Variants in CNTN5 observed in about 807,000 individuals in gnomAD.
CNTN5 encodes contactin 5.
A neutral mutation model predicts 129.1 loss-of-function variants in CNTN5; 77 were observed. The ratio of observed to expected loss-of-function variants is 0.60; its 90% CI spans 0.50 to 0.72. The LOEUF (loss-of-function observed/expected upper bound fraction) is 0.72, where lower values mean the gene tolerates loss of function less well. CNTN5 is among the 30% of genes least tolerant of loss of function. CNTN5 has a pLI of 0.00. For missense variants in CNTN5, 1,478 were observed against 1,328.8 expected (o/e 1.11, Z -1.75); for synonymous variants, 509 against 465.6 (o/e 1.09, Z -1.20).
chr11:99,128,976 A>G (rs1858793658), intron 1 of CNTN5, among the ~76,000 whole-genome samples: 1 of 152,214 alleles, frequency 6.6e-6, no homozygotes. Flanking sequence ...TCCAAGATTA[A>G]AGATAGATAA....
chr11:100,210,735 A>G (rs2138585281), intron 15 of CNTN5, among the ~76,000 whole-genome samples: 1 of 152,308 alleles, frequency 6.6e-6, no homozygotes, highest in South Asian at 2.1e-4. Flanking sequence ...TAGTAATACC[A>G]AAAAATAATG....
At chr11:100,050,576 GTAAC>G (rs1275362732) in intron 9 of CNTN5, among the ~76,000 whole-genome samples, 1 of 151,700 alleles carries the variant, frequency 6.6e-6, no homozygotes, top group Non-Finnish European at 1.5e-5. Context: ...GTGTACATAT[GTAAC>G]TAACCTGCAC....
chr11:99,323,300 T>C (rs746420382), intron 1 of CNTN5, among the ~76,000 whole-genome samples: 1 of 152,106 alleles, frequency 6.6e-6, no homozygotes, highest in Non-Finnish European at 1.5e-5. Flanking sequence ...AGTAGTCTCG[T>C]CATCACAACA....
intron 3 of CNTN5, among the ~76,000 whole-genome samples, chr11:99,779,824 G>A (rs1945250897): frequency 6.6e-6 from 1 of 151,890 alleles, no homozygotes; most frequent in Non-Finnish European, 1.5e-5. Context: ...ATAATATGCA[G>A]AACTATAAGT....
intron 23 of CNTN5, among the ~76,000 whole-genome samples, chr11:100,346,266 C>T (rs1381928608): frequency 6.6e-6 from 1 of 152,082 alleles, no homozygotes; most frequent in Non-Finnish European, 1.5e-5. Context: ...GTAAGACTCA[C>T]CATTACTGGT....
At chr11:99,222,399 G>T (rs1377827847) in intron 1 of CNTN5, among the ~76,000 whole-genome samples, 5 of 151,596 alleles carry the variant, frequency 3.3e-5, no homozygotes, top group Admixed American at 1.3e-4. Flanking sequence ...TAACCCAAGA[G>T]AAAAAAATGT....
intron 1 of CNTN5, among the ~76,000 whole-genome samples, chr11:99,200,418 C>T (rs752700426): frequency 5.3e-5 from 8 of 152,138 alleles, no homozygotes; most frequent in Non-Finnish European, 1.2e-4. Context: ...ACCCAAAGTA[C>T]GATTCAGAAT....
chr11:99,945,330 A>G (rs1232418973), intron 7 of CNTN5, among the ~76,000 whole-genome samples: 1 of 152,064 alleles, frequency 6.6e-6, no homozygotes, highest in East Asian at 1.9e-4. Context: ...TGGAACAAGA[A>G]TAGAATATGG....
At chr11:99,476,864 T>G (rs188006495) in intron 2 of CNTN5, among the ~76,000 whole-genome samples, 5 of 152,242 alleles carry the variant, frequency 3.3e-5, no homozygotes, top group African/African-American at 1.2e-4. Flanking sequence ...AATGGCTAAT[T>G]ACAATCCGAA....
chr11:99,445,812 G>C (rs200081686), intron 2 of CNTN5, among the ~76,000 whole-genome samples: 14 of 151,960 alleles, frequency 9.2e-5, no homozygotes, highest in South Asian at 2.1e-4. Context: ...GGCCGGGCGC[G>C]GTGACTCACA....
intron 1 of CNTN5, among the ~76,000 whole-genome samples, chr11:99,071,565 G>T (rs1379337017): frequency 6.6e-6 from 1 of 152,110 alleles, no homozygotes; most frequent in Non-Finnish European, 1.5e-5. Flanking sequence ...GTTACAATTA[G>T]TAAAAGCTGG....
At chr11:100,282,290 C>G (rs1174721927) in intron 18 of CNTN5, among the ~76,000 whole-genome samples, 5 of 152,208 alleles carry the variant, frequency 3.3e-5, no homozygotes, top group Admixed American at 3.3e-4. Flanking sequence ...CTAGCTGTAT[C>G]TGCTTTAGGG....
chr11:99,874,025 C>T (rs996627372), intron 6 of CNTN5, among the ~76,000 whole-genome samples: 3 of 151,758 alleles, frequency 2.0e-5, no homozygotes, highest in African/African-American at 4.8e-5. Context: ...TAAACATGGA[C>T]GTGAAGATAG....
intron 23 of CNTN5, among the ~76,000 whole-genome samples, chr11:100,342,900 TTAAG>T (rs1260942786): frequency 3.3e-5 from 5 of 152,186 alleles, no homozygotes; most frequent in Non-Finnish European, 7.3e-5. Flanking sequence ...GTTGAGTAAT[TTAAG>T]TAAGTTGTTT....
chr11:100,307,906 T>A (rs1382872881), intron 20 of CNTN5, among the ~76,000 whole-genome samples: 2 of 151,706 alleles, frequency 1.3e-5, no homozygotes, highest in African/African-American at 4.8e-5. Context: ...CTCATTATAG[T>A]CATGTTATAG....
intron 1 of CNTN5, among the ~76,000 whole-genome samples, chr11:99,124,442 G>A (rs965815609): frequency 6.6e-6 from 1 of 151,930 alleles, no homozygotes; most frequent in Non-Finnish European, 1.5e-5. Context: ...AGACTATGGG[G>A]TTTCTGTGTG....
intron 2 of CNTN5, among the ~76,000 whole-genome samples, chr11:99,327,870 A>G (rs1158966839): frequency 6.6e-6 from 1 of 152,180 alleles, no homozygotes; most frequent in Non-Finnish European, 1.5e-5. Context: ...GTTTCACTCA[A>G]TAACTTATAC....
At chr11:99,364,639 C>T (rs74709049) in intron 2 of CNTN5, among the ~76,000 whole-genome samples, 4,322 of 152,022 alleles carry the variant, frequency 0.028, 186 homozygotes, top group African/African-American at 0.098. Flanking sequence ...TATAAAGGTT[C>T]GTGAAAAAAT....
intron 7 of CNTN5, among the ~76,000 whole-genome samples, chr11:99,937,728 G>A (rs905732855): frequency 1.3e-5 from 2 of 152,168 alleles, no homozygotes; most frequent in Non-Finnish European, 2.9e-5. Context: ...GCTGCAGCTC[G>A]AAGCTTGACA....
Sources: allele counts gnomAD v4.1 joint callset (sites outside exome capture counted in the v4.1 genomes callset), GRCh38; gene constraint gnomAD v4.1.1; transcripts MANE v1.5; gene names NCBI Gene and HGNC (gene_info 2026-07-23, HGNC 2026-07-21).